The following UNC79 variants were observed in gnomAD, a reference collection of about 807,000 sequenced individuals.
UNC79 encodes the protein unc-79 subunit of NALCN channel complex.
A neutral mutation model predicts 283.1 loss-of-function variants in UNC79; 37 were observed. That is an observed-to-expected ratio of 0.13 (90% CI 0.10 to 0.17). The LOEUF (loss-of-function observed/expected upper bound fraction) is 0.17. Among genes scored for constraint, UNC79 ranks in the 10% least tolerant of loss-of-function variants. The pLI, the probability that UNC79 is intolerant of heterozygous loss-of-function variation, is 1.00. For synonymous variants in UNC79, 1,107 were observed against 1,200.2 expected, an observed-to-expected ratio of 0.92 and a Z score of 1.61; for missense variants, 2,272 against 3,211.1, an observed-to-expected ratio of 0.71 and a Z score of 7.07.
At chr14:93,684,060 A>G (rs2074059896) in intron 42 of UNC79, among the ~76,000 whole-genome samples, 1 of 152,192 alleles carries the variant, frequency 6.6e-6, no homozygotes, top group Non-Finnish European at 1.5e-5. Context: ...AGCACTTTAC[A>G]TAAGATCTAC....
In UNC79 at chr14:93,354,916, A is replaced by G. The variant is rs141746338; in HGVS notation, c.-351+21393A>G. On this transcript the variant is annotated intron_variant, in intron 1 of 49. Coordinates refer to the UNC79 transcript ENST00000256339. ...CAAGTACTTTATGAAAGTAAATATA[A>G]TGAGAAGTAGATCATGTTTGGCTTG... Among the ~76,000 whole-genome samples, 754 of 152,306 alleles carry G rather than the reference A, an allele frequency of 5.0e-3. 5 individuals are homozygous for G. The highest frequency in any genetic ancestry group is 0.017 in the African/African-American group (708 of 41,562).
chr14:93,561,014 C>T (rs1339938525), intron 14 of UNC79, among the ~76,000 whole-genome samples: 1 of 152,082 alleles, frequency 6.6e-6, no homozygotes, highest in Non-Finnish European at 1.5e-5. Flanking sequence ...GGAGGAGAGT[C>T]TGAAGAGCAA....
intron 23 of UNC79, among the ~76,000 whole-genome samples, chr14:93,595,109 A>G (rs1292267616): frequency 6.8e-6 from 1 of 146,560 alleles, no homozygotes; most frequent in Non-Finnish European, 1.5e-5. Context: ...GTTTGTTTTG[A>G]GATGGAGTCT....
chr14:93,531,250 A>G lies in UNC79; in HGVS notation c.1094-1300A>G, dbSNP rs1356980775. The stretch of plus-strand genomic sequence containing the variant: ...TCAAACTGTCAAGTAACCATTAATT[A>G]TACAAAACCAGTTTTTAAACATGAG... On this transcript the variant is annotated intron_variant, in intron 10 of 48. Coordinates refer to ENST00000555664, the Ensembl canonical transcript of UNC79. The surrounding 1 kb of genome is among the most constrained non-coding windows in gnomAD (Gnocchi z 4.2). Among the ~76,000 whole-genome samples the G allele has an allele frequency of 6.6e-6, 1 of 152,228 alleles. No homozygotes were observed. The highest frequency in any genetic ancestry group is 1.5e-5 in the Non-Finnish European group (1 of 68,034).
At chr14:93,457,973 T>G (rs2056842862) in intron 1 of UNC79, among the ~76,000 whole-genome samples, 1 of 152,194 alleles carries the variant, frequency 6.6e-6, no homozygotes, top group Non-Finnish European at 1.5e-5. Context: ...TCCTTATTGA[T>G]CCACCAATCA....
intron 1 of UNC79, among the ~76,000 whole-genome samples, chr14:93,462,093 G>C (rs1180007586): frequency 1.3e-5 from 2 of 152,170 alleles, no homozygotes; most frequent in African/African-American, 2.4e-5. Context: ...GATCACTTGA[G>C]GCCAGGAGTT....
chr14:93,634,298 C>T (rs11622066), intron 31 of UNC79, among the ~76,000 whole-genome samples: 2,283 of 152,098 alleles, frequency 0.015, 37 homozygotes, highest in South Asian at 0.077. Flanking sequence ...TATTTACAGG[C>T]GACAAATCAG....
intron 29 of UNC79, among the ~76,000 whole-genome samples, chr14:93,619,786 G>A (rs1322607643): frequency 2.6e-5 from 4 of 152,024 alleles, no homozygotes; most frequent in African/African-American, 7.2e-5. Flanking sequence ...AATCATAATC[G>A]CACCTGAGCC....
At chr14:93,381,107 G>A (rs2054655954) in intron 1 of UNC79, among the ~76,000 whole-genome samples, 1 of 152,194 alleles carries the variant, frequency 6.6e-6, no homozygotes, top group South Asian at 2.1e-4. Flanking sequence ...TGTTGCCTCA[G>A]TTTTGGCCCA....
chr14:93,476,840 A>G (rs1595567482), intron 3 of UNC79, among the ~76,000 whole-genome samples: 1 of 152,216 alleles, frequency 6.6e-6, no homozygotes, highest in African/African-American at 2.4e-5. Flanking sequence ...GGTAATAATA[A>G]TAGTAACTGT....
In UNC79 at chr14:93,681,246, G is replaced by A. The variant is rs1246175074; in HGVS notation, c.6742-1371G>A. On this transcript the variant is annotated intron_variant, in intron 41 of 48. Coordinates refer to ENST00000555664, the Ensembl canonical transcript of UNC79. ...ACAGCTCTTGGGGACAGCTCTGCTT[G>A]TGCCCTCTTGCCCCCATTCAGTTAC... is the stretch of plus-strand genomic sequence containing the variant. Among the ~76,000 whole-genome samples the A allele has an allele frequency of 2.6e-5, 4 of 152,220 alleles. No homozygotes were observed. In the East Asian group the frequency reaches 7.7e-4, roughly 29 times the overall value.
chr14:93,706,939 T>C (rs1214913267), downstream of UNC79: 1 of 1,610,180 alleles, frequency 6.2e-7, no homozygotes, highest in Non-Finnish European at 8.5e-7. Flanking sequence ...AACACTCTGG[T>C]TTAGCAATAA....
chr14:93,483,898 C>T lies in UNC79; in HGVS notation c.620-3765C>T, dbSNP rs112263417. Among the ~76,000 whole-genome samples, 1,111 of 152,254 alleles carry T rather than the reference C, an allele frequency of 7.3e-3. 13 individuals carry two copies. The highest frequency in any genetic ancestry group is 0.025 in the African/African-American group (1,043 of 41,540). The stretch of plus-strand genomic sequence containing the variant: ...CCTTTTTTATGGCTGCATAGTATTC[C>T]ATGGTGTATATGTGCCACATTTTGT... On this transcript the variant is annotated intron_variant, in intron 4 of 48. Coordinates refer to ENST00000555664, the Ensembl canonical transcript of UNC79.
chr14:93,571,784 C>T (rs1566675667), intron 14 of UNC79, 110 bp from the exon 15 acceptor site: 2 of 1,123,338 alleles, frequency 1.8e-6, no homozygotes, highest in Admixed American at 2.4e-5. Flanking sequence ...AGGACTCAGA[C>T]ATGATGGATT....
At chr14:93,616,366 C>CTTT (rs71463917) in intron 27 of UNC79, among the ~76,000 whole-genome samples, 1 of 96,238 alleles carries the variant, frequency 1.0e-5, no homozygotes, top group South Asian at 3.3e-4. Context: ...TTCTTTTTTC[C>CTTT]TTTTTTTTTT....
chr14:93,451,027 A>T (rs989203810), intron 1 of UNC79, among the ~76,000 whole-genome samples: 1 of 151,824 alleles, frequency 6.6e-6, no homozygotes, highest in African/African-American at 2.4e-5. Flanking sequence ...ATCTACAAAA[A>T]CTTTTTTCTT....
At chr14:93,483,639 C>T (rs888644383) in intron 4 of UNC79, among the ~76,000 whole-genome samples, 2 of 151,270 alleles carry the variant, frequency 1.3e-5, no homozygotes, top group Non-Finnish European at 2.9e-5. Flanking sequence ...CCCATTAACT[C>T]ATCATTTACA....
At chr14:93,463,823 T>C (rs908615950) in intron 1 of UNC79, among the ~76,000 whole-genome samples, 2 of 152,140 alleles carry the variant, frequency 1.3e-5, no homozygotes, top group African/African-American at 4.8e-5. Flanking sequence ...AACTGTTTGA[T>C]TTCAGAGTTC....
At position 93,696,961 on chromosome 14, in the gene UNC79, G is replaced by T. The variant is rs148231145; in HGVS notation, c.7548+2549G>T. ...TTAACTTTTGTATATGGTGTGAGGT[G>T]TGGATTGAGGTACCTTTTTTGTATA... On this transcript the variant is annotated intron_variant, in intron 47 of 48. Coordinates refer to ENST00000555664, the Ensembl canonical transcript of UNC79. Among the ~76,000 whole-genome samples the T allele has an allele frequency of 8.5e-4, 129 of 152,210 alleles. 1 individual carries two copies. The Middle Eastern group carries it at 0.014, about 16-fold the overall frequency.
Sources: allele counts gnomAD v4.1 joint callset (sites outside exome capture counted in the v4.1 genomes callset), GRCh38; gene constraint gnomAD v4.1.1; non-coding constraint Gnocchi (gnomAD v3.1); transcripts MANE v1.5; gene names NCBI Gene and HGNC (gene_info 2026-07-23, HGNC 2026-07-21).